Variants in OSBP observed in about 807,000 individuals in gnomAD.
OSBP encodes the protein oxysterol binding protein.
Under a neutral mutation model 96.6 loss-of-function variants are expected in OSBP, and 32 were observed. That is an observed-to-expected ratio of 0.33 (90% CI 0.25 to 0.45). The LOEUF (loss-of-function observed/expected upper bound fraction) is 0.45. OSBP is among the 20% of genes least tolerant of loss of function. The probability of loss-of-function intolerance (pLI) is 1.00; values close to 1 mark genes in which losing one functional copy is unlikely to be tolerated. For missense variants in OSBP, 653 were observed against 1,029.7 expected, an observed-to-expected ratio of 0.63 and a Z score of 5.01; for synonymous variants, 369 against 389.6, an observed-to-expected ratio of 0.95 and a Z score of 0.62.
In OSBP at chr11:59,615,740, G is replaced by T. The variant is rs984617605; in HGVS notation, c.-76C>A. The T allele has an allele frequency of 8.1e-6, 10 of 1,231,374 alleles. No individual in the cohort carries two copies. The highest frequency in any genetic ancestry group is 1.0e-5 in the Non-Finnish European group (10 of 984,892). 76.3% of individuals were successfully genotyped at this position (1,231,374 alleles called of 1,614,324 possible). A position where few individuals can be genotyped will look rare whatever the true frequency, so the allele number is the denominator to read the frequency against. On this transcript the variant is annotated 5_prime_UTR_variant, in exon 1 of 14. Coordinates refer to ENST00000263847, the MANE Select transcript of OSBP (RefSeq NM_002556.3). ...CGTCGCCGCCCGGAGCGCCCCACAC[G>T]GCTACCGCATCAGCCACCGCCGCGC...
At position 59,595,951 on chromosome 11, in the gene OSBP, AT is replaced by A. The variant is rs1860646848; in HGVS notation, c.1312-1697del. 5.2e-4 allele frequency among the ~76,000 whole-genome samples: 51 copies of A among 98,854 alleles called. 1 individual carries two copies. The highest frequency in any genetic ancestry group is 1.9e-3 in the African/African-American group (48 of 25,228). The allele number at this position is 98,854 out of a possible 152,430, so 64.9% of individuals were successfully genotyped here. On this transcript the variant is annotated intron_variant, in intron 7 of 13. Coordinates refer to ENST00000263847, the MANE Select transcript of OSBP (RefSeq NM_002556.3). ...AGAGCGAGACTCTGTCTAAAAATAA[AT>A]AAATAAATAAATAAATAAATAAATA...
At chr11:59,596,953 G>A (rs377095354) in intron 7 of OSBP, among the ~76,000 whole-genome samples, 1 of 152,164 alleles carries the variant, frequency 6.6e-6, no homozygotes, top group Non-Finnish European at 1.5e-5. Flanking sequence ...GAAGGGTGAG[G>A]ACTTGATCTG....
intron 7 of OSBP, among the ~76,000 whole-genome samples, chr11:59,598,653 G>A (rs1294798445): frequency 6.6e-6 from 1 of 152,072 alleles, no homozygotes; most frequent in Non-Finnish European, 1.5e-5. Flanking sequence ...ATAGTGGTGC[G>A]ATCTCAGCTC....
chr11:59,575,527 T>C lies in OSBP; in HGVS notation c.*1050A>G, dbSNP rs1036130969. 6.6e-6 allele frequency: 1 copy of C among 152,636 alleles called. No homozygotes were observed. The highest frequency in any genetic ancestry group is 1.5e-5 in the Non-Finnish European group (1 of 68,042). 9.5% of individuals were successfully genotyped at this position (152,636 alleles called of 1,614,324 possible). The stretch of plus-strand genomic sequence containing the variant: ...AAAAAATTAGATTTTTCTCTACATA[T>C]ATATAATATACAGATATTTAACACA... On this transcript the variant is annotated 3_prime_UTR_variant, in exon 14 of 14. Coordinates refer to ENST00000263847, the MANE Select transcript of OSBP (RefSeq NM_002556.3).
intron 9 of OSBP, among the ~76,000 whole-genome samples, chr11:59,589,852 G>A (rs1161799322): frequency 2.0e-5 from 3 of 151,836 alleles, no homozygotes; most frequent in South Asian, 4.2e-4. Flanking sequence ...GTGCGGTGGC[G>A]GGCACCTGTA....
rs1274836208 is a variant in OSBP at position 59,593,605 on chromosome 11, G to A, written c.1677C>T (p.Leu559=). 7.4e-6 allele frequency: 12 copies of A among 1,613,736 alleles called. No individual in the cohort carries two copies. Among genetic ancestry groups the A allele is most frequent in the South Asian group, 4.4e-5 (4 of 91,076 alleles). The stretch of plus-strand genomic sequence containing the variant: ...TTCTGACAAAGATGGTAACCTTACC[G>A]AGGGGCATAATGGAGAGGTATTTGC... ...FRGKYLSIMP[L]GTIHCIFHAT... Residue 559 remains leucine, a splice_region_variant and synonymous_variant, in exon 9 of 14, where the codon CTC becomes CTT. Coordinates refer to ENST00000263847, the MANE Select transcript of OSBP (RefSeq NM_002556.3).
At chr11:59,600,241 T>G (rs532560606) in intron 7 of OSBP, among the ~76,000 whole-genome samples, 1 of 152,354 alleles carries the variant, frequency 6.6e-6, no homozygotes, top group Non-Finnish European at 1.5e-5. Flanking sequence ...ATGTCCCCAG[T>G]GCATCTAGCA....
intron 10 of OSBP, 54 bp from the exon 11 acceptor site, chr11:59,580,323 C>T: frequency 9.3e-7 from 1 of 1,080,048 alleles, no homozygotes; most frequent in Admixed American, 1.7e-5. Context: ...CAATGTCTGC[C>T]AAACCCATGG....
At chr11:59,593,009 G>T (rs1322296503) in intron 9 of OSBP, among the ~76,000 whole-genome samples, 1 of 152,094 alleles carries the variant, frequency 6.6e-6, no homozygotes, top group Non-Finnish European at 1.5e-5. Flanking sequence ...TGTTGCCCAG[G>T]CTGGTCTTGA....
rs142554412 is a variant in OSBP at position 59,576,821 on chromosome 11, C to T, written c.2265G>A (p.Met755Ile). Residue 755 changes from methionine to isoleucine, a missense_variant, in exon 13 of 14, where the codon ATG becomes ATA. Physicochemically the swap from Met to Ile is conservative, Grantham distance 10. This residue lies in a region of OSBP where 169 missense variants were observed against 251.5 expected (regional missense o/e 0.67). Transcript: ENST00000263847. ...GTTCATTACCATCCTCTGTGGCTTT[C>T]ATAGCTTCCGCTTCTCTCTTCTTTC... ...LSRKKREAEA[M>I]KATEDGTPYD... 2 of 1,614,012 alleles carry T rather than the reference C, an allele frequency of 1.2e-6. No individual in the cohort carries two copies. The highest frequency in any genetic ancestry group is 1.3e-5 in the African/African-American group (1 of 74,898).
Position 59,575,460 on chromosome 11 carries a change from G to A in OSBP, c.*1117C>T, listed in dbSNP as rs1860351153. 6.6e-6 allele frequency: 1 copy of A among 151,898 alleles called. No individual in the cohort carries two copies. Among genetic ancestry groups the A allele is most frequent in the South Asian group, 2.1e-4 (1 of 4,790 alleles). The allele number at this position is 151,898 out of a possible 1,614,324, so 9.4% of individuals were successfully genotyped here. On this transcript the variant is annotated 3_prime_UTR_variant, in exon 14 of 14. Transcript: ENST00000263847. ...CAAGAAAGAGTCTCAGGGAGACAAG[G>A]GTATCAAAAAACAAGATTCTTAATG...
At chr11:59,587,843 CAGGGTCTTAAAG>C (rs1860520129) in intron 9 of OSBP, among the ~76,000 whole-genome samples, 2 of 152,190 alleles carry the variant, frequency 1.3e-5, no homozygotes, top group South Asian at 4.1e-4. Context: ...GAACTGAAAG[CAGGGTCTTAAAG>C]AGATATTTGT....
intron 7 of OSBP, among the ~76,000 whole-genome samples, chr11:59,597,898 G>T (rs1234541091): frequency 6.6e-6 from 1 of 151,992 alleles, no homozygotes; most frequent in Non-Finnish European, 1.5e-5. Context: ...TAGAGACAGG[G>T]TTTCACCATG....
At chr11:59,600,962 G>A in intron 5 of OSBP, 89 bp from the exon 6 acceptor site, 2 of 1,088,714 alleles carry the variant, frequency 1.8e-6, no homozygotes, top group Middle Eastern at 2.0e-4. Flanking sequence ...AGAATGCCAA[G>A]TACACTGTAT....
At chr11:59,583,812 G>A (rs1206347770) in intron 9 of OSBP, among the ~76,000 whole-genome samples, 2 of 150,528 alleles carry the variant, frequency 1.3e-5, no homozygotes, top group Non-Finnish European at 3.0e-5. Context: ...GCTAATTTTT[G>A]TATTTTTAGT....
intron 9 of OSBP, among the ~76,000 whole-genome samples, chr11:59,592,954 C>G (rs1334430189): frequency 1.3e-5 from 2 of 152,106 alleles, no homozygotes; most frequent in African/African-American, 2.4e-5. Flanking sequence ...CACCACCACA[C>G]CCAGCTAATT....
At position 59,580,087 on chromosome 11, in the gene OSBP, A is replaced by C. The variant is rs191812221; in HGVS notation, c.1878+87T>G. ...AATGTACACACCCCCATACCACCCC[A>C]CATGTATATACATTCCAGTCCTAAA... is the stretch of plus-strand genomic sequence containing the variant. On this transcript the variant is annotated intron_variant, in intron 11 of 13. Transcript: ENST00000263847. The C allele has an allele frequency of 2.7e-3, 2,379 of 867,320 alleles. 6 individuals carry two copies. Among genetic ancestry groups the C allele is most frequent in the Admixed American group, 5.0e-3 (281 of 56,662 alleles). 53.7% of individuals were successfully genotyped at this position (867,320 alleles called of 1,614,324 possible). A position where few individuals can be genotyped will look rare whatever the true frequency, so the allele number is the denominator to read the frequency against.
At chr11:59,586,166 AAAAT>A (rs1191876541) in intron 9 of OSBP, among the ~76,000 whole-genome samples, 5 of 150,968 alleles carry the variant, frequency 3.3e-5, no homozygotes, top group Admixed American at 1.3e-4. Flanking sequence ...TGATCAATAA[AAAAT>A]AAATAAAGAA....
In OSBP at chr11:59,608,625, C is replaced by T. The variant is rs777141386; in HGVS notation, c.681G>A (p.Leu227=). The T allele has an allele frequency of 1.9e-6, 3 of 1,614,164 alleles. No individual in the cohort carries two copies. In the South Asian group the frequency reaches 3.3e-5, roughly 18 times the overall value. ...GCAGAGCTGTGCCATGCTTAGCTAT[C>T]AAGTCATTGCACGTGCTCAAGTCCT... ...KVEDLSTCND[L]IAKHGTALQR... Residue 227 remains leucine (L), a synonymous_variant, in exon 3 of 14, where the codon TTG becomes TTA. Transcript: ENST00000263847.
Sources: allele counts gnomAD v4.1 joint callset (sites outside exome capture counted in the v4.1 genomes callset), GRCh38; gene constraint gnomAD v4.1.1; regional missense constraint gnomAD v4.1.1; transcripts MANE v1.5; gene names NCBI Gene and HGNC (gene_info 2026-07-23, HGNC 2026-07-21).